The following DNAJC15 variants were observed in gnomAD, a reference collection of about 807,000 sequenced individuals.
DNAJC15 encodes the protein DnaJ heat shock protein family (Hsp40) member C15.
A neutral mutation model predicts 22.4 loss-of-function variants in DNAJC15; 27 were observed. The ratio of observed to expected loss-of-function variants is 1.20; its 90% CI spans 0.89 to 1.66. The LOEUF is 1.66. Among genes scored for constraint, DNAJC15 ranks in the 40% most tolerant of loss-of-function variants. The probability of loss-of-function intolerance (pLI) is 0.00; values close to 1 mark genes in which losing one functional copy is unlikely to be tolerated. For synonymous variants in DNAJC15, 79 were observed against 63.2 expected (o/e 1.25, Z -1.19); for missense variants, 208 against 187.1 (o/e 1.11, Z -0.65).
At position 43,109,275 on chromosome 13, in the gene DNAJC15, C is replaced by A. The variant is rs140163760; in HGVS notation, c.*2027C>A. On this transcript the variant is annotated 3_prime_UTR_variant, in exon 6 of 6. Coordinates refer to ENST00000379221, the MANE Select transcript of DNAJC15 (RefSeq NM_013238.3). ...GGTGTAACATACCTTATTTCTCATA[C>A]TAAAATGCAAGAACCTTTAGAGCAA... The A allele has an allele frequency of 6.6e-6, 1 of 152,184 alleles. No individual in the cohort carries two copies. The highest frequency in any genetic ancestry group is 1.5e-5 in the Non-Finnish European group (1 of 68,030). 9.4% of individuals were successfully genotyped at this position (152,184 alleles called of 1,614,324 possible).
chr13:43,085,436 G>C (rs74639532), intron 4 of DNAJC15, among the ~76,000 whole-genome samples: 3,148 of 152,106 alleles, frequency 0.021, 51 homozygotes, highest in Non-Finnish European at 0.032. Context: ...CGTATATACC[G>C]CCTTCCCCCC....
intron 1 of DNAJC15, among the ~76,000 whole-genome samples, chr13:43,039,147 G>C (rs977369627): frequency 6.6e-6 from 1 of 152,144 alleles, no homozygotes; most frequent in African/African-American, 2.4e-5. Flanking sequence ...AGGATACCTG[G>C]GCTCTAGTCC....
At chr13:43,077,519 G>C (rs933758400) in intron 3 of DNAJC15, among the ~76,000 whole-genome samples, 1 of 152,142 alleles carries the variant, frequency 6.6e-6, no homozygotes, top group Admixed American at 6.5e-5. Context: ...CAGGAAGTGA[G>C]CATATATATA....
Position 43,046,997 on chromosome 13 carries a change from A to C in DNAJC15, c.109-18689A>C, listed in dbSNP as rs2040480482. Reference sequence around the variant, plus strand: ...TTCTCTTCCATGACCCACAGCTTCTAATAGCTATAATACTCACCACATGGC... The same window carrying C: ...TTCTCTTCCATGACCCACAGCTTCTCATAGCTATAATACTCACCACATGGC... On this transcript the variant is annotated intron_variant, in intron 1 of 5. Coordinates refer to ENST00000379221, the MANE Select transcript of DNAJC15 (RefSeq NM_013238.3). Among the ~76,000 whole-genome samples, 3 of 152,244 alleles carry C rather than the reference A, an allele frequency of 2.0e-5. No individual in the cohort carries two copies. In the South Asian group the frequency reaches 6.2e-4, roughly 32 times the overall value.
At position 43,110,425 on chromosome 13, in the gene DNAJC15, T is replaced by C. The variant is rs2040819160; in HGVS notation, c.*3177T>C. The C allele has an allele frequency of 6.6e-6, 1 of 152,230 alleles. No individual in the cohort carries two copies. The highest frequency in any genetic ancestry group is 1.5e-5 in the Non-Finnish European group (1 of 68,060). 9.4% of individuals were successfully genotyped at this position (152,230 alleles called of 1,614,324 possible). ...GGATAGAGAGGACTGAAGGAATCAG[T>C]GCTCATCTTTAATATGCAGCAGGAC... is the stretch of plus-strand genomic sequence containing the variant. On this transcript the variant is annotated 3_prime_UTR_variant, in exon 6 of 6. Transcript: ENST00000379221.
At chr13:43,036,766 G>A (rs1466261994) in intron 1 of DNAJC15, among the ~76,000 whole-genome samples, 1 of 152,250 alleles carries the variant, frequency 6.6e-6, no homozygotes, top group Non-Finnish European at 1.5e-5. Flanking sequence ...CTCCCTCCTG[G>A]GCTTGTGCCC....
At chr13:43,087,312 A>G (rs1466473647) in intron 5 of DNAJC15, among the ~76,000 whole-genome samples, 1 of 152,186 alleles carries the variant, frequency 6.6e-6, no homozygotes, top group African/African-American at 2.4e-5. Flanking sequence ...AAACCCATCC[A>G]TATACTCACA....
At chr13:43,088,352 A>G (rs555871029) in intron 5 of DNAJC15, among the ~76,000 whole-genome samples, 13 of 152,290 alleles carry the variant, frequency 8.5e-5, no homozygotes, top group African/African-American at 2.9e-4. Flanking sequence ...GCTGCCTCCT[A>G]AATCTGGGCT....
At chr13:43,065,320 T>G (rs1194395709) in intron 1 of DNAJC15, among the ~76,000 whole-genome samples, 4 of 152,132 alleles carry the variant, frequency 2.6e-5, no homozygotes, top group African/African-American at 4.8e-5. Flanking sequence ...ACATTGCAAA[T>G]GTAAAATATG....
At chr13:43,025,622 A>AG (rs1345702387) in intron 1 of DNAJC15, among the ~76,000 whole-genome samples, 1 of 152,252 alleles carries the variant, frequency 6.6e-6, no homozygotes, top group Non-Finnish European at 1.5e-5. Flanking sequence ...ACATGTCTAC[A>AG]GGCTGCGAGC....
chr13:43,077,617 G>T (rs936564352), intron 3 of DNAJC15, among the ~76,000 whole-genome samples: 1 of 152,296 alleles, frequency 6.6e-6, no homozygotes, highest in African/African-American at 2.4e-5. Flanking sequence ...TGCAAAGTGG[G>T]ATAAGCTTGA....
At chr13:43,077,849 C>T (rs1158376193) in intron 3 of DNAJC15, among the ~76,000 whole-genome samples, 3 of 152,160 alleles carry the variant, frequency 2.0e-5, no homozygotes, top group East Asian at 3.8e-4. Context: ...CAGAATCTAA[C>T]CACTTTTATC....
At chr13:43,095,236 A>G (rs1377912873) in intron 5 of DNAJC15, among the ~76,000 whole-genome samples, 1 of 152,204 alleles carries the variant, frequency 6.6e-6, no homozygotes, top group African/African-American at 2.4e-5. Flanking sequence ...TGAATTTGAG[A>G]TATGTTTTAG....
At chr13:43,032,989 C>G (rs1231720444) in intron 1 of DNAJC15, among the ~76,000 whole-genome samples, 1 of 152,172 alleles carries the variant, frequency 6.6e-6, no homozygotes, top group Non-Finnish European at 1.5e-5. Flanking sequence ...TGGGAGCCAC[C>G]ACTTCACATG....
intron 5 of DNAJC15, among the ~76,000 whole-genome samples, chr13:43,101,183 G>A (rs1459734094): frequency 2.0e-5 from 3 of 152,098 alleles, no homozygotes; most frequent in Non-Finnish European, 2.9e-5. Context: ...GTTGGCTCAT[G>A]CTTGTTTGCT....
rs899073201 is a variant in DNAJC15 at position 43,113,914 on chromosome 13, T to C, written c.*6666T>C. 1 of 152,242 alleles carries C rather than the reference T, an allele frequency of 6.6e-6. No individual in the cohort carries two copies. The highest frequency in any genetic ancestry group is 2.4e-5 in the African/African-American group (1 of 41,464). 9.4% of individuals were successfully genotyped at this position (152,242 alleles called of 1,614,324 possible). A position where few individuals can be genotyped will look rare whatever the true frequency, so the allele number is the denominator to read the frequency against. ...GCAGCCTTTCCTGGTTAACCCTGCTTGGATCTGAGTTACACTTTGTTTCCT... is the reference window on the plus strand; with the variant it reads ...GCAGCCTTTCCTGGTTAACCCTGCTCGGATCTGAGTTACACTTTGTTTCCT... On this transcript the variant is annotated 3_prime_UTR_variant, in exon 6 of 6. Transcript: ENST00000379221.
At chr13:43,102,480 T>C (rs1217834494) in intron 5 of DNAJC15, among the ~76,000 whole-genome samples, 1 of 152,126 alleles carries the variant, frequency 6.6e-6, no homozygotes, top group Non-Finnish European at 1.5e-5. Flanking sequence ...TTGACATGAT[T>C]ATGTATTTAT....
intron 5 of DNAJC15, among the ~76,000 whole-genome samples, chr13:43,093,525 C>T (rs1232560602): frequency 1.3e-5 from 2 of 152,116 alleles, no homozygotes; most frequent in African/African-American, 2.4e-5. Flanking sequence ...GTCCTCTTAC[C>T]CTAGCCTCTC....
rs1323087921 is a variant in DNAJC15 at position 43,068,954 on chromosome 13, A to T, written c.185A>T (p.Lys62Ile). ...GGTCGCTACGCATTTCGGATCTGGA[A>T]ACCTCTAGAACAAGTTATCACAGAA... ...FAGRYAFRIW[K>I]PLEQVITETA... Residue 62 changes from lysine to isoleucine, a missense_variant, in exon 3 of 6, where the codon AAA (lysine) becomes ATA (isoleucine). Lys to Ile is a moderately radical substitution (Grantham distance 102). Coordinates refer to ENST00000379221, the MANE Select transcript of DNAJC15 (RefSeq NM_013238.3). 1 of 1,612,926 alleles carries T rather than the reference A, an allele frequency of 6.2e-7. No individual in the cohort carries two copies. The highest frequency in any genetic ancestry group is 1.7e-5 in the Admixed American group (1 of 59,856).
Sources: allele counts gnomAD v4.1 joint callset (sites outside exome capture counted in the v4.1 genomes callset), GRCh38; gene constraint gnomAD v4.1.1; transcripts MANE v1.5; gene names NCBI Gene and HGNC (gene_info 2026-07-23, HGNC 2026-07-21).